The following DLGAP2 variants were observed in gnomAD, a reference collection of about 807,000 sequenced individuals.
The protein encoded by DLGAP2 is disks large-associated protein 2.
A neutral mutation model predicts 100.3 loss-of-function variants in DLGAP2; 26 were observed. The observed-to-expected ratio is 0.26, with a 90% CI of 0.19 to 0.36. DLGAP2 has a LOEUF of 0.36. DLGAP2 is among the 10% of genes least tolerant of loss of function. The pLI is 1.00. For synonymous variants in DLGAP2, 886 were observed against 630.1 expected (o/e 1.41, Z -6.08); for missense variants, 1,858 against 1,453.2 (o/e 1.28, Z -4.53).
At chr8:1,428,509 G>A (rs1461735884) in intron 3 of DLGAP2, among the ~76,000 whole-genome samples, 1 of 152,154 alleles carries the variant, frequency 6.6e-6, no homozygotes, top group Non-Finnish European at 1.5e-5. Flanking sequence ...TATATTCTTG[G>A]TAACAAAACA....
chr8:1,077,551 C>A (rs1803662178), intron 2 of DLGAP2, among the ~76,000 whole-genome samples: 1 of 152,158 alleles, frequency 6.6e-6, no homozygotes, highest in Non-Finnish European at 1.5e-5. Flanking sequence ...ACCAGAGGTA[C>A]TTCATAATAT....
chr8:1,414,556 G>T (rs372840737), intron 3 of DLGAP2, among the ~76,000 whole-genome samples: 5 of 152,358 alleles, frequency 3.3e-5, no homozygotes, highest in Admixed American at 2.6e-4. Flanking sequence ...GTGGGTCCCA[G>T]TGCAGAGTCC....
intron 7 of DLGAP2, among the ~76,000 whole-genome samples, chr8:1,631,787 A>C (rs1016171009): frequency 1.3e-5 from 2 of 152,200 alleles, no homozygotes; most frequent in Non-Finnish European, 2.9e-5. Context: ...CACGTAGGTC[A>C]CCTCAGGTGA....
intron 8 of DLGAP2, among the ~76,000 whole-genome samples, 164 bp from the exon 9 acceptor site, chr8:1,668,165 T>C (rs1798592390): frequency 6.6e-6 from 1 of 152,244 alleles, no homozygotes; most frequent in African/African-American, 2.4e-5. Flanking sequence ...GGTATATTCA[T>C]GTGTGCTGTC....
chr8:1,362,077 G>A (rs892631174), intron 3 of DLGAP2, among the ~76,000 whole-genome samples: 1 of 146,238 alleles, frequency 6.8e-6, no homozygotes. Context: ...AGAATTCAAG[G>A]AGAGCGGTAC....
chr8:938,023 A>G (rs1799110956), intron 2 of DLGAP2, among the ~76,000 whole-genome samples: 1 of 152,138 alleles, frequency 6.6e-6, no homozygotes, highest in Non-Finnish European at 1.5e-5. Context: ...TGTGTCTCAG[A>G]CAACTATTCC....
chr8:1,113,475 T>C (rs1805023103), intron 2 of DLGAP2, among the ~76,000 whole-genome samples: 1 of 152,234 alleles, frequency 6.6e-6, no homozygotes, highest in Non-Finnish European at 1.5e-5. Flanking sequence ...TGAATGTAAT[T>C]ACCTTCCTGA....
rs116005131 is a variant in DLGAP2, at chr8:908,069, T to G, written c.73+103T>G. 1,991 of 395,736 alleles carry G rather than the reference T, an allele frequency of 5.0e-3. 38 individuals are homozygous for G. Among genetic ancestry groups the G allele is most frequent in the African/African-American group, 0.037 (1,823 of 48,660 alleles). 24.5% of individuals were successfully genotyped at this position (395,736 alleles called of 1,614,324 possible). A position where few individuals can be genotyped will look rare whatever the true frequency, so the allele number is the denominator to read the frequency against. The stretch of plus-strand genomic sequence containing the variant: ...TTTAGATATTTTGTGCATTTTTATT[T>G]TGTGGGTTGTTTTTAGTGCAAGATT... On this transcript the variant is annotated intron_variant, in intron 2 of 14. Coordinates refer to ENST00000637795, the MANE Select transcript of DLGAP2 (RefSeq NM_001346810.2).
intron 1 of DLGAP2, among the ~76,000 whole-genome samples, chr8:782,889 C>G (rs965111207): frequency 1.3e-5 from 2 of 152,180 alleles, no homozygotes; most frequent in Non-Finnish European, 2.9e-5. Flanking sequence ...GAAGAAGAAC[C>G]AACCCCCAAA....
At chr8:805,994 G>T (rs143007374) in intron 1 of DLGAP2, among the ~76,000 whole-genome samples, 2 of 152,140 alleles carry the variant, frequency 1.3e-5, no homozygotes, top group East Asian at 3.8e-4. Context: ...TAGCCCTTCC[G>T]TTTTGAGGAA....
At chr8:982,804 C>T (rs938250994) in intron 2 of DLGAP2, among the ~76,000 whole-genome samples, 14 of 150,682 alleles carry the variant, frequency 9.3e-5, no homozygotes, top group Middle Eastern at 7.0e-3. Context: ...ACAGTTGGTC[C>T]GTTTATACTG....
chr8:1,540,251 C>T (rs985971183), intron 4 of DLGAP2, among the ~76,000 whole-genome samples: 3 of 152,172 alleles, frequency 2.0e-5, no homozygotes, highest in African/African-American at 7.2e-5. Flanking sequence ...CCCCTTGCCC[C>T]GCGTTTTTTA....
At chr8:1,388,075 C>T (rs763699689) in intron 3 of DLGAP2, among the ~76,000 whole-genome samples, 1 of 152,152 alleles carries the variant, frequency 6.6e-6, no homozygotes, top group Non-Finnish European at 1.5e-5. Context: ...CAGCGTCTCA[C>T]AGCGTCAGGG....
intron 4 of DLGAP2, among the ~76,000 whole-genome samples, chr8:1,519,226 C>T (rs1007842536): frequency 6.6e-6 from 1 of 152,132 alleles, no homozygotes; most frequent in African/African-American, 2.4e-5. Context: ...TGAAGAACAC[C>T]AAAGTTAGCT....
intron 3 of DLGAP2, among the ~76,000 whole-genome samples, chr8:1,342,598 G>A (rs191969062): frequency 1.3e-5 from 2 of 152,194 alleles, no homozygotes; most frequent in Non-Finnish European, 1.5e-5. Context: ...AGTGCCAAAG[G>A]CTGGCTGTGC....
intron 2 of DLGAP2, among the ~76,000 whole-genome samples, chr8:1,144,666 G>A (rs1563214643): frequency 6.6e-6 from 1 of 152,188 alleles, no homozygotes; most frequent in Non-Finnish European, 1.5e-5. Flanking sequence ...TTTCCTTCCT[G>A]TGTGCTGTGA....
chr8:925,741 T>C (rs1347610363), intron 2 of DLGAP2, among the ~76,000 whole-genome samples: 1 of 152,084 alleles, frequency 6.6e-6, no homozygotes, highest in Non-Finnish European at 1.5e-5. Context: ...AGGAATTGGC[T>C]CATGTGGTTA....
intron 7 of DLGAP2, among the ~76,000 whole-genome samples, chr8:1,627,747 G>C (rs1294871203): frequency 6.6e-6 from 1 of 150,686 alleles, no homozygotes; most frequent in African/African-American, 2.4e-5. Flanking sequence ...ATCTTGAGCC[G>C]ACCTCACATT....
chr8:982,972 A>G (rs1026314356), intron 2 of DLGAP2, among the ~76,000 whole-genome samples: 2 of 143,924 alleles, frequency 1.4e-5, no homozygotes, highest in African/African-American at 2.6e-5. Context: ...CCAAATGCGT[A>G]TATCTGCTTT....
Sources: gnomAD v4.1 joint callset for allele counts (sites outside exome capture counted in the v4.1 genomes callset) on GRCh38, gnomAD v4.1.1 for gene constraint, MANE v1.5 for transcripts, NCBI Gene and HGNC (gene_info 2026-07-23, HGNC 2026-07-21) for gene names.